ANXA10: variants seen among roughly 807,000 people sequenced by gnomAD.
ANXA10 encodes annexin A10, also known as annexin 14.
Under a neutral mutation model 53.5 loss-of-function variants are expected in ANXA10, and 49 were observed. The ratio of observed to expected loss-of-function variants is 0.92; its 90% CI spans 0.73 to 1.16. The LOEUF (loss-of-function observed/expected upper bound fraction) is 1.16, where lower values mean the gene tolerates loss of function less well. Ranked by LOEUF, ANXA10 falls within the 50% of genes most tolerant of loss-of-function variation. ANXA10 has a pLI of 0.00. For synonymous variants in ANXA10, 131 were observed against 128.9 expected (o/e 1.02, Z -0.11); for missense variants, 393 against 394.4 (o/e 1.00, Z 0.03).
chr4:168,107,654 C>T (rs1730738985), intron 1 of ANXA10, among the ~76,000 whole-genome samples: 1 of 152,132 alleles, frequency 6.6e-6, no homozygotes, highest in East Asian at 1.9e-4. Flanking sequence ...GCTGGAAAGT[C>T]CAAGATCAAA....
intron 2 of ANXA10, among the ~76,000 whole-genome samples, chr4:168,132,049 A>G (rs1373550332): frequency 6.6e-6 from 1 of 152,104 alleles, no homozygotes; most frequent in Non-Finnish European, 1.5e-5. Context: ...TACCACCACT[A>G]TGTGGAACAG....
intron 6 of ANXA10, among the ~76,000 whole-genome samples, chr4:168,177,512 C>A (rs570078355): frequency 6.6e-6 from 1 of 152,106 alleles, no homozygotes; most frequent in Non-Finnish European, 1.5e-5. Flanking sequence ...TCAAACATTA[C>A]CAGTGCTGCA....
At chr4:168,128,881 T>C (rs1731114620) in intron 2 of ANXA10, among the ~76,000 whole-genome samples, 1 of 152,014 alleles carries the variant, frequency 6.6e-6, no homozygotes, top group African/African-American at 2.4e-5. Flanking sequence ...TGAATGATAC[T>C]AAAGTTTAGA....
At chr4:168,133,643 T>C (rs1731189881) in intron 2 of ANXA10, among the ~76,000 whole-genome samples, 1 of 152,072 alleles carries the variant, frequency 6.6e-6, no homozygotes, top group African/African-American at 2.4e-5. Flanking sequence ...GCTTGTTTCA[T>C]AAGGACATTG....
chr4:168,186,539 G>A (rs1179334246), intron 11 of ANXA10, among the ~76,000 whole-genome samples: 2 of 152,168 alleles, frequency 1.3e-5, no homozygotes, highest in East Asian at 3.9e-4. Flanking sequence ...TCTGCCATGT[G>A]AGCTTAGAAT....
chr4:168,158,024 C>T (rs1039532043), intron 3 of ANXA10, among the ~76,000 whole-genome samples: 2 of 152,122 alleles, frequency 1.3e-5, no homozygotes, highest in Non-Finnish European at 2.9e-5. Flanking sequence ...AAAGAGTTTG[C>T]TAACGTGGTT....
intron 3 of ANXA10, among the ~76,000 whole-genome samples, chr4:168,153,981 TACACACACAC>T (rs35992092): frequency 1.6e-4 from 24 of 149,332 alleles, no homozygotes; most frequent in African/African-American, 5.1e-4. Flanking sequence ...TAGCTATGTA[TACACACACAC>T]ACACACACAC....
chr4:168,136,636 G>A (rs1021245373), intron 2 of ANXA10, among the ~76,000 whole-genome samples: 1 of 152,102 alleles, frequency 6.6e-6, no homozygotes, highest in Non-Finnish European at 1.5e-5. Flanking sequence ...AGGAAGCTCC[G>A]CCCCCATGGC....
At chr4:168,143,198 C>A (rs1348600851) in intron 3 of ANXA10, among the ~76,000 whole-genome samples, 1 of 152,188 alleles carries the variant, frequency 6.6e-6, no homozygotes, top group Non-Finnish European at 1.5e-5. Context: ...ACATCTACCA[C>A]CGCTCACATT....
At chr4:168,123,168 C>T (rs1731017183) in intron 1 of ANXA10, among the ~76,000 whole-genome samples, 1 of 152,124 alleles carries the variant, frequency 6.6e-6, no homozygotes, top group South Asian at 2.1e-4. Flanking sequence ...AAAGCCTTCC[C>T]AGATTTCTTC....
At chr4:168,166,590 T>A (rs899782527) in intron 6 of ANXA10, among the ~76,000 whole-genome samples, 1 of 151,870 alleles carries the variant, frequency 6.6e-6, no homozygotes, top group Non-Finnish European at 1.5e-5. Context: ...GAGAAACATG[T>A]CTTAAAAGCC....
chr4:168,144,136 T>C (rs548196319), intron 3 of ANXA10, among the ~76,000 whole-genome samples: 33 of 152,210 alleles, frequency 2.2e-4, no homozygotes, highest in Non-Finnish European at 3.8e-4. Flanking sequence ...AAGGCCAAAA[T>C]GGTGTAATTA....
At chr4:168,178,190 T>C in intron 8 of ANXA10, 2 of 540,196 alleles carry the variant, frequency 3.7e-6, no homozygotes, top group South Asian at 2.4e-5. Context: ...TTTTTTCCAA[T>C]AACTTTCAAA....
intron 1 of ANXA10, among the ~76,000 whole-genome samples, chr4:168,112,299 G>A (rs891252707): frequency 1.3e-4 from 20 of 152,018 alleles, no homozygotes; most frequent in Non-Finnish European, 2.6e-4. Context: ...CTCTGTCTGG[G>A]GTGGCGGGCT....
chr4:168,162,652 G>T lies in ANXA10; in HGVS notation c.309+11G>T. On this transcript the variant is annotated intron_variant, in intron 4 of 11. Coordinates refer to ENST00000359299, the MANE Select transcript of ANXA10 (RefSeq NM_007193.5). ...TGGCATGCCATGAAGGTAGTGATCT[G>T]ATCCAAAAATATGCCTGTAACAAGT... 6.2e-7 allele frequency: 1 copy of T among 1,610,814 alleles called. No individual in the cohort carries two copies. The highest frequency in any genetic ancestry group is 1.1e-5 in the South Asian group (1 of 90,966).
intron 1 of ANXA10, among the ~76,000 whole-genome samples, chr4:168,122,000 GC>G (rs1369588792): frequency 7.6e-6 from 1 of 131,142 alleles, no homozygotes; most frequent in East Asian, 2.1e-4. Context: ...CCACCACCAC[GC>G]CCGGCTACTT....
chr4:168,153,422 C>CAAAAA lies in ANXA10; in HGVS notation c.196-9091_196-9087dup, dbSNP rs61179704. Among the ~76,000 whole-genome samples the CAAAAA allele has an allele frequency of 1.2e-3, 54 of 43,474 alleles. 1 individual carries two copies. Among genetic ancestry groups the CAAAAA allele is most frequent in the African/African-American group, 2.2e-3 (28 of 12,570 alleles). 28.5% of individuals were successfully genotyped at this position (43,474 alleles called of 152,430 possible). ...GCTTCAAGCTGCTAAAAGCCTAAAG[C>CAAAAA]AAAAAAAAAAAAAAAAAAACAAAAA... is the stretch of plus-strand genomic sequence containing the variant. On this transcript the variant is annotated intron_variant, in intron 3 of 11. Coordinates refer to ENST00000359299, the MANE Select transcript of ANXA10 (RefSeq NM_007193.5).
At chr4:168,094,814 T>A (rs1292686109) in intron 1 of ANXA10, among the ~76,000 whole-genome samples, 1 of 152,072 alleles carries the variant, frequency 6.6e-6, no homozygotes, top group Non-Finnish European at 1.5e-5. Flanking sequence ...ATACATAATA[T>A]GTTAAAATTA....
At chr4:168,166,123 A>ATAAG (rs1407016946) in intron 6 of ANXA10, among the ~76,000 whole-genome samples, 3 of 152,230 alleles carry the variant, frequency 2.0e-5, no homozygotes, top group Non-Finnish European at 4.4e-5. Context: ...AAATATTCTC[A>ATAAG]TAAGTACTTC....
Sources: allele counts gnomAD v4.1 joint callset (sites outside exome capture counted in the v4.1 genomes callset), GRCh38; gene constraint gnomAD v4.1.1; transcripts MANE v1.5; gene names NCBI Gene and HGNC (gene_info 2026-07-23, HGNC 2026-07-21).